The following GPHN variants were observed in gnomAD, a reference collection of about 807,000 sequenced individuals.
GPHN encodes the protein gephyrin.
Under a neutral mutation model 95.5 loss-of-function variants are expected in GPHN, and 17 were observed. The observed-to-expected ratio is 0.18, with a 90% CI of 0.12 to 0.27. The LOEUF is 0.27. GPHN is among the 10% of genes least tolerant of loss of function. GPHN has a pLI of 1.00. For synonymous variants in GPHN, 320 were observed against 322.5 expected, an observed-to-expected ratio of 0.99 and a Z score of 0.08; for missense variants, 660 against 978.1, an observed-to-expected ratio of 0.67 and a Z score of 4.34.
chr14:67,320,822 A>G, the GPHN span, among the ~76,000 whole-genome samples: 5 of 152,078 alleles, frequency 3.3e-5, no homozygotes, highest in Non-Finnish European at 7.3e-5. Context: ...AAGTGTAAGC[A>G]TAAAATGTAT....
At chr14:67,574,309 G>A in the GPHN span, 13 of 1,605,818 alleles carry the variant, frequency 8.1e-6, no homozygotes, top group Admixed American at 1.7e-5. This position sits in a 1 kb window ranked among gnomAD's most constrained non-coding sequence, Gnocchi z 4.2. Context: ...GAGTGGATCC[G>A]AGTACTCCAG....
chr14:66,980,108 T>C (rs778400301), intron 9 of GPHN, among the ~76,000 whole-genome samples: 2 of 152,130 alleles, frequency 1.3e-5, no homozygotes, highest in Non-Finnish European at 2.9e-5. Context: ...GATATAATCA[T>C]AGTAAAAAGT....
the GPHN span, among the ~76,000 whole-genome samples, chr14:67,535,293 C>T: frequency 6.7e-6 from 1 of 148,326 alleles, no homozygotes; most frequent in Admixed American, 6.7e-5. Context: ...CCCTTTTGTT[C>T]AATGTTCTAA....
chr14:67,624,402 T>C, the GPHN span, among the ~76,000 whole-genome samples: 1 of 152,178 alleles, frequency 6.6e-6, no homozygotes, highest in East Asian at 1.9e-4. Context: ...GACTGGGTAA[T>C]TTAAAAAGAA....
the GPHN span, among the ~76,000 whole-genome samples, chr14:67,411,421 C>T: frequency 6.6e-6 from 1 of 151,986 alleles, no homozygotes; most frequent in African/African-American, 2.4e-5. Flanking sequence ...ATGTCAGTAC[C>T]CACCGTGTAT....
chr14:67,530,744 T>C, the GPHN span, among the ~76,000 whole-genome samples: 1 of 152,256 alleles, frequency 6.6e-6, no homozygotes, highest in Admixed American at 6.5e-5. Flanking sequence ...CTTGCATGAA[T>C]GGAGTGTGAG....
chr14:66,578,706 A>G (rs890184343), intron 1 of GPHN, among the ~76,000 whole-genome samples: 2 of 151,348 alleles, frequency 1.3e-5, no homozygotes, highest in African/African-American at 2.4e-5. Context: ...AAGAAAGAAA[A>G]AAAAAAACAC....
At chr14:67,086,247 A>G (rs192765221) in intron 11 of GPHN, among the ~76,000 whole-genome samples, 165 of 152,308 alleles carry the variant, frequency 1.1e-3, no homozygotes, top group Non-Finnish European at 2.1e-3. Flanking sequence ...TTATATGGTA[A>G]TTATGTTTAA....
At chr14:67,661,047 T>C in the GPHN span, among the ~76,000 whole-genome samples, 1 of 151,980 alleles carries the variant, frequency 6.6e-6, no homozygotes, top group Non-Finnish European at 1.5e-5. Context: ...TTCTCAGAAC[T>C]TCATTGGGAT....
chr14:67,675,922 C>A, the GPHN span, among the ~76,000 whole-genome samples: 46 of 152,048 alleles, frequency 3.0e-4, 1 homozygote, highest in African/African-American at 1.1e-3. Flanking sequence ...ATGGTGAAAC[C>A]CCCGTCTCTG....
chr14:66,632,499 T>A (rs117654015), intron 1 of GPHN, among the ~76,000 whole-genome samples: 46,457 of 148,602 alleles, frequency 0.31, 11,175 homozygotes, highest in African/African-American at 0.64. Context: ...CTTTTTTTTT[T>A]TTTTTTTTTT....
the GPHN span, chr14:67,204,406 C>T: frequency 1.2e-5 from 15 of 1,292,984 alleles, no homozygotes; most frequent in South Asian, 2.1e-5. Context: ...ATCACCACTG[C>T]ACTCCAACGT....
At chr14:66,863,707 A>G (rs1193898420) in intron 4 of GPHN, among the ~76,000 whole-genome samples, 1 of 152,180 alleles carries the variant, frequency 6.6e-6, no homozygotes, top group Non-Finnish European at 1.5e-5. Context: ...TGTCAAGAAC[A>G]TGCACTCAGG....
chr14:67,705,358 G>T, the GPHN span, among the ~76,000 whole-genome samples: 1 of 152,204 alleles, frequency 6.6e-6, no homozygotes, highest in Non-Finnish European at 1.5e-5. Flanking sequence ...TTCAGTGTCA[G>T]TAGGTTACAT....
chr14:67,340,737 T>G, the GPHN span, among the ~76,000 whole-genome samples: 23,397 of 151,984 alleles, frequency 0.15, 3,394 homozygotes, highest in East Asian at 0.42. Context: ...GAAGCTGGAC[T>G]GTACTGCTGC....
intron 2 of GPHN, among the ~76,000 whole-genome samples, chr14:66,754,800 T>G (rs1214855297): frequency 2.0e-5 from 3 of 152,016 alleles, no homozygotes; most frequent in Admixed American, 2.0e-4. Context: ...ATATCTCAAG[T>G]GCTATGAATG....
chr14:67,359,444 T>C, the GPHN span, among the ~76,000 whole-genome samples: 1 of 152,162 alleles, frequency 6.6e-6, no homozygotes, highest in Non-Finnish European at 1.5e-5. Context: ...CGCCTTTTCC[T>C]ACCGGCTGGG....
At chr14:67,687,480 T>G in the GPHN span, among the ~76,000 whole-genome samples, 1 of 150,242 alleles carries the variant, frequency 6.7e-6, no homozygotes, top group Non-Finnish European at 1.5e-5. Context: ...TTTTTTTTTT[T>G]TTTTTTTGAG....
chr14:67,263,200 A>G, the GPHN span, among the ~76,000 whole-genome samples: 1 of 152,216 alleles, frequency 6.6e-6, no homozygotes, highest in Admixed American at 6.5e-5. Flanking sequence ...TACTTCAGGA[A>G]ATGTTATGTG....
Sources: allele counts gnomAD v4.1 joint callset (sites outside exome capture counted in the v4.1 genomes callset), GRCh38; gene constraint gnomAD v4.1.1; non-coding constraint Gnocchi (gnomAD v3.1); transcripts MANE v1.5; gene names NCBI Gene and HGNC (gene_info 2026-07-23, HGNC 2026-07-21).